Variants in FAM107B observed in about 807,000 individuals in gnomAD.
FAM107B encodes protein FAM107B.
In FAM107B, 21 loss-of-function variants were observed where a neutral mutation model predicts 31.5. That is an observed-to-expected ratio of 0.67 (90% confidence interval 0.47 to 0.96). The LOEUF (loss-of-function observed/expected upper bound fraction) is 0.96. FAM107B is among the 40% of genes least tolerant of loss of function. The probability of loss-of-function intolerance (pLI) is 0.00; values close to 1 mark genes in which losing one functional copy is unlikely to be tolerated. For synonymous variants in FAM107B, 157 were observed against 141.5 expected, an observed-to-expected ratio of 1.11 and a Z score of -0.78; for missense variants, 452 against 377.1, an observed-to-expected ratio of 1.20 and a Z score of -1.64.
chr10:14,569,665 G>A (rs1027027424), intron 2 of FAM107B, among the ~76,000 whole-genome samples: 1 of 152,190 alleles, frequency 6.6e-6, no homozygotes, highest in Non-Finnish European at 1.5e-5. Context: ...CACACAGTCA[G>A]CTCACAGGTC....
chr10:14,597,684 C>T (rs1173196506), intron 2 of FAM107B, among the ~76,000 whole-genome samples: 1 of 152,166 alleles, frequency 6.6e-6, no homozygotes, highest in African/African-American at 2.4e-5. Flanking sequence ...CACGGTGGCT[C>T]ACACCTGTAA....
intron 2 of FAM107B, among the ~76,000 whole-genome samples, chr10:14,548,860 G>A (rs1283657104): frequency 9.6e-6 from 1 of 103,782 alleles, no homozygotes; most frequent in African/African-American, 3.4e-5. Flanking sequence ...ACTGAATGCT[G>A]AGTCCCCCCA....
intron 1 of FAM107B, among the ~76,000 whole-genome samples, chr10:14,712,508 C>T (rs778149708): frequency 5.4e-5 from 8 of 148,606 alleles, no homozygotes; most frequent in African/African-American, 1.5e-4. Flanking sequence ...GCAGGAGAAT[C>T]GTTTGAACCC....
chr10:14,553,994 G>A, intron 2 of FAM107B: 1 of 540,876 alleles, frequency 1.8e-6, no homozygotes, highest in Admixed American at 6.4e-5. Flanking sequence ...GTTTTTCCTT[G>A]TCTTCACCTC....
At chr10:14,557,252 T>G (rs1849783908) in intron 2 of FAM107B, among the ~76,000 whole-genome samples, 1 of 152,248 alleles carries the variant, frequency 6.6e-6, no homozygotes, top group Non-Finnish European at 1.5e-5. Flanking sequence ...TCTAGATATT[T>G]AGCTACCTAG....
intron 2 of FAM107B, among the ~76,000 whole-genome samples, chr10:14,536,941 C>T (rs1044626526): frequency 6.6e-6 from 1 of 152,060 alleles, no homozygotes; most frequent in Non-Finnish European, 1.5e-5. Flanking sequence ...TTTTTTCATC[C>T]CCCGAAAATG....
chr10:14,590,767 A>G (rs1283321884), intron 2 of FAM107B, among the ~76,000 whole-genome samples: 1 of 151,834 alleles, frequency 6.6e-6, no homozygotes, highest in South Asian at 2.1e-4. Context: ...GGATCACCCA[A>G]GGTCAGAAAT....
rs1854057838 is a variant in FAM107B, at chr10:14,656,458, TC to T, written c.469+11175del. ...CAGTTGAAATTTCTAGATGACAATT[TC>T]CACCTTCCATGTCATCAGAATGGAA... On this transcript the variant is annotated intron_variant, in intron 2 of 4. Transcript: ENST00000181796. Among the ~76,000 whole-genome samples, 3 of 152,334 alleles carry T rather than the reference TC, an allele frequency of 2.0e-5. No homozygotes were observed. The South Asian group carries it at 6.2e-4, about 32-fold the overall frequency.
intron 1 of FAM107B, among the ~76,000 whole-genome samples, chr10:14,674,752 A>G (rs1430988828): frequency 6.6e-6 from 1 of 152,174 alleles, no homozygotes; most frequent in Non-Finnish European, 1.5e-5. Flanking sequence ...TTGTTGAGAC[A>G]GGGTCTCGCT....
At chr10:14,548,640 A>C (rs948318363) in intron 2 of FAM107B, 6 of 985,466 alleles carry the variant, frequency 6.1e-6, no homozygotes, top group Non-Finnish European at 7.2e-6. Context: ...CCAGCTGCGA[A>C]GGCAGGCACT....
chr10:14,671,880 A>C (rs1340854601), intron 1 of FAM107B, among the ~76,000 whole-genome samples: 2 of 53,096 alleles, frequency 3.8e-5, no homozygotes, highest in Non-Finnish European at 1.1e-4. Context: ...TTTAAAAAAA[A>C]AAAACAAAAA....
intron 2 of FAM107B, among the ~76,000 whole-genome samples, chr10:14,625,393 C>G (rs1282537726): frequency 6.6e-6 from 1 of 152,066 alleles, no homozygotes. Context: ...GACGCCTCAT[C>G]TAGTCCCAAA....
chr10:14,658,992 G>T (rs972836286), intron 2 of FAM107B, among the ~76,000 whole-genome samples: 2 of 152,206 alleles, frequency 1.3e-5, no homozygotes, highest in African/African-American at 4.8e-5. Flanking sequence ...GCAGAAAGTG[G>T]TCAAGGAAGC....
intron 2 of FAM107B, chr10:14,604,114 A>ACCCCCCCCCCCCCCCG: frequency 5.9e-6 from 2 of 340,934 alleles, no homozygotes; most frequent in Non-Finnish European, 7.8e-6. Flanking sequence ...GCGCACGGGG[A>ACCCCCCCCCCCCCCCG]CCCCCCACCC....
intron 2 of FAM107B, among the ~76,000 whole-genome samples, chr10:14,558,089 T>C (rs1452444247): frequency 1.3e-5 from 2 of 152,242 alleles, no homozygotes; most frequent in African/African-American, 4.8e-5. Flanking sequence ...TGTTCCTCAG[T>C]TTCCTCCTGC....
At chr10:14,576,077 G>A (rs1481582992) in intron 2 of FAM107B, among the ~76,000 whole-genome samples, 1 of 152,230 alleles carries the variant, frequency 6.6e-6, no homozygotes, top group African/African-American at 2.4e-5. Context: ...GCTTCCCAGG[G>A]GCTGGGAGAA....
At position 14,774,866 on chromosome 10, in the gene FAM107B, C is replaced by T. The variant is rs1440478061; in HGVS notation, c.-203G>A. 3.4e-6 allele frequency: 2 copies of T among 594,218 alleles called. No individual in the cohort carries two copies. The highest frequency in any genetic ancestry group is 5.9e-6 in the Non-Finnish European group (2 of 340,314). 36.8% of individuals were successfully genotyped at this position (594,218 alleles called of 1,614,324 possible). Reference sequence around the variant, plus strand: ...CCGCTGGGGCCCCTTTGAAAGTGTCCATCCTGGGCAATTTCGCGCTCTTCC... The same window carrying T: ...CCGCTGGGGCCCCTTTGAAAGTGTCTATCCTGGGCAATTTCGCGCTCTTCC... On this transcript the variant is annotated 5_prime_UTR_variant, in exon 1 of 5. The change abolishes an upstream ATG in the 5' untranslated region. Transcript: ENST00000181796.
At chr10:14,676,752 A>G (rs75536949) in intron 1 of FAM107B, among the ~76,000 whole-genome samples, 5,191 of 152,324 alleles carry the variant, frequency 0.034, 286 homozygotes, top group African/African-American at 0.12. Flanking sequence ...CCTCTGTGCA[A>G]GTAATCTTAT....
rs185539221 is a variant in FAM107B, at chr10:14,589,024, A to T, written c.470-58509T>A. On this transcript the variant is annotated intron_variant, in intron 2 of 4. Coordinates refer to ENST00000181796, the MANE Select transcript of FAM107B (RefSeq NM_031453.4). Reference sequence around the variant, plus strand: ...TGGTGAAACCCCATCCTTACTAAAAATACAAAAATTAGCCGGGTGTGGTGG... The same window carrying T: ...TGGTGAAACCCCATCCTTACTAAAATTACAAAAATTAGCCGGGTGTGGTGG... Among the ~76,000 whole-genome samples the T allele has an allele frequency of 5.9e-5, 9 of 152,172 alleles. No homozygotes were observed. The East Asian group carries it at 1.4e-3, about 23-fold the overall frequency.
Sources: allele counts gnomAD v4.1 joint callset (sites outside exome capture counted in the v4.1 genomes callset), GRCh38; gene constraint gnomAD v4.1.1; transcripts MANE v1.5; gene names NCBI Gene and HGNC (gene_info 2026-07-23, HGNC 2026-07-21).